Variants in BID observed in about 807,000 individuals in gnomAD.
The protein encoded by BID is BH3-interacting domain death agonist.
Under a neutral mutation model 17.4 loss-of-function variants are expected in BID, and 19 were observed. The observed-to-expected ratio is 1.09, with a 90% CI of 0.76 to 1.60. The LOEUF (loss-of-function observed/expected upper bound fraction) is 1.60. BID is among the 40% of genes most tolerant of loss of function. The probability of loss-of-function intolerance (pLI) is 0.00; values close to 1 mark genes in which losing one functional copy is unlikely to be tolerated. For synonymous variants in BID, 108 were observed against 102.8 expected (o/e 1.05, Z -0.31); for missense variants, 226 against 256.0 (o/e 0.88, Z 0.80).
At chr22:17,753,359 C>T (rs1383189871) in intron 1 of BID, among the ~76,000 whole-genome samples, 1 of 152,232 alleles carries the variant, frequency 6.6e-6, no homozygotes, top group African/African-American at 2.4e-5. Flanking sequence ...AGAGTGAGGG[C>T]AGCTCCCCTG....
At chr22:17,763,919 T>A (rs986826285) in intron 1 of BID, among the ~76,000 whole-genome samples, 9 of 143,842 alleles carry the variant, frequency 6.3e-5, no homozygotes, top group African/African-American at 2.1e-4. Flanking sequence ...AAAAAAAAAA[T>A]CAAAAGCAGA....
chr22:17,741,469 C>CT (rs3831843), intron 3 of BID, among the ~76,000 whole-genome samples: 7 of 147,688 alleles, frequency 4.7e-5, no homozygotes, highest in African/African-American at 7.6e-5. Flanking sequence ...CTCACTGTAG[C>CT]TTTTTTTTTT....
chr22:17,764,762 T>C (rs1453652383), intron 1 of BID, among the ~76,000 whole-genome samples: 1 of 152,110 alleles, frequency 6.6e-6, no homozygotes, highest in Non-Finnish European at 1.5e-5. Context: ...AGCAATGACA[T>C]AAATCAAAAC....
chr22:17,738,318 G>A (rs2061434617), intron 4 of BID, 89 bp from the exon 5 acceptor site: 6 of 1,249,882 alleles, frequency 4.8e-6, no homozygotes, highest in Non-Finnish European at 6.7e-6. Flanking sequence ...GCACTTCAAA[G>A]TACTTATTAA....
chr22:17,752,279 G>A (rs2061545260), intron 1 of BID, among the ~76,000 whole-genome samples: 1 of 152,176 alleles, frequency 6.6e-6, no homozygotes, highest in Non-Finnish European at 1.5e-5. Context: ...GAGCTGTCTG[G>A]AGACATTTAT....
chr22:17,740,160 G>A (rs777323089), intron 3 of BID: 3 of 1,612,070 alleles, frequency 1.9e-6, no homozygotes, highest in Admixed American at 1.7e-5. Context: ...CACTTGCTGT[G>A]TTATTGTCTG....
intron 3 of BID, chr22:17,740,085 T>C (rs2061448254): frequency 6.2e-7 from 1 of 1,611,742 alleles, no homozygotes; most frequent in Non-Finnish European, 8.5e-7. Flanking sequence ...CGAGTACCAC[T>C]GTCGCAGCTC....
intron 1 of BID, among the ~76,000 whole-genome samples, chr22:17,752,447 T>C (rs2061546703): frequency 1.3e-5 from 2 of 152,130 alleles, no homozygotes; most frequent in Admixed American, 6.6e-5. Flanking sequence ...CCCATACCAG[T>C]GTCATATGCA....
At chr22:17,771,550 C>T (rs2061720810) in intron 1 of BID, among the ~76,000 whole-genome samples, 1 of 152,132 alleles carries the variant, frequency 6.6e-6, no homozygotes, top group Admixed American at 6.6e-5. Context: ...GCCACTTCCT[C>T]CTTTTCTTAG....
At chr22:17,754,563 C>T (rs1050322384) in intron 1 of BID, among the ~76,000 whole-genome samples, 10 of 152,258 alleles carry the variant, frequency 6.6e-5, no homozygotes, top group African/African-American at 2.4e-4. Context: ...TCATTGAAAA[C>T]ACCATGCAGT....
At chr22:17,742,077 T>C (rs2061463295) in intron 3 of BID, among the ~76,000 whole-genome samples, 1 of 152,212 alleles carries the variant, frequency 6.6e-6, no homozygotes, top group Non-Finnish European at 1.5e-5. Context: ...TCCTGATCCG[T>C]CTGTGTCCAG....
At position 17,773,760 on chromosome 22, in the gene BID, TC is replaced by T; in HGVS notation, c.-59+620del. ...TTGGTGGCTGAGGGCTTCAGAGCTC[TC>T]CCAGGGTCCCCTGGGGTCATTCAGC... On this transcript the variant is annotated intron_variant, in intron 1 of 5. Coordinates refer to ENST00000622694, the MANE Select transcript of BID (RefSeq NM_001196.4). This position sits in a 1 kb window ranked among gnomAD's most constrained non-coding sequence, Gnocchi z 4.4. 1 of 1,435,846 alleles carries T rather than the reference TC, an allele frequency of 7.0e-7. No individual in the cohort carries two copies. Among genetic ancestry groups the T allele is most frequent in the Non-Finnish European group, 9.6e-7 (1 of 1,044,310 alleles). The allele number at this position is 1,435,846 out of a possible 1,614,324, so 88.9% of individuals were successfully genotyped here. A position where few individuals can be genotyped will look rare whatever the true frequency, so the allele number is the denominator to read the frequency against.
At chr22:17,768,142 C>T (rs1601881916) in intron 1 of BID, among the ~76,000 whole-genome samples, 1 of 152,218 alleles carries the variant, frequency 6.6e-6, no homozygotes, top group South Asian at 2.1e-4. Context: ...GTGTCTGGAG[C>T]TTCTCTTTGG....
intron 3 of BID, 114 bp downstream of exon 3, chr22:17,743,689 G>T: frequency 8.9e-7 from 1 of 1,120,694 alleles, no homozygotes; most frequent in Non-Finnish European, 1.3e-6. Flanking sequence ...CGTGGCAGCT[G>T]AAACTGCAGA....
intron 1 of BID, among the ~76,000 whole-genome samples, chr22:17,759,241 C>CAAAAAAAAA (rs1555906713): frequency 8.2e-5 from 8 of 97,080 alleles, no homozygotes; most frequent in African/African-American, 4.1e-4. Context: ...AAACAAAAAA[C>CAAAAAAAAA]AAAACAAAAA....
At chr22:17,743,415 A>C (rs1162693979) in intron 3 of BID, among the ~76,000 whole-genome samples, 1 of 152,250 alleles carries the variant, frequency 6.6e-6, no homozygotes, top group Non-Finnish European at 1.5e-5. Context: ...AAATGATACA[A>C]GGCCAAGTGT....
At position 17,761,013 on chromosome 22, in the gene BID, C is replaced by T. The variant is rs545110833; in HGVS notation, c.-58-10839G>A. Among the ~76,000 whole-genome samples the T allele has an allele frequency of 2.6e-5, 4 of 152,344 alleles. No homozygotes were observed. In the South Asian group the frequency reaches 6.2e-4, roughly 24 times the overall value. ...TCCATGAATAACATTTACACATACA[C>T]ACCGAACCAAGGAGCTGTGGCCAGC... On this transcript the variant is annotated intron_variant, in intron 1 of 5. Transcript: ENST00000622694.
chr22:17,742,495 C>A (rs2061467127), intron 3 of BID, among the ~76,000 whole-genome samples: 1 of 138,242 alleles, frequency 7.2e-6, no homozygotes, highest in Non-Finnish European at 1.6e-5. Context: ...CCCCCACCCC[C>A]ACCCCGGTCT....
intron 1 of BID, among the ~76,000 whole-genome samples, chr22:17,768,126 A>G (rs2268786): frequency 0.41 from 62,450 of 152,130 alleles, 14,296 homozygotes; most frequent in East Asian, 0.74. Flanking sequence ...CGGAGCAGCC[A>G]CCAGTGTGTC....
Sources: allele counts gnomAD v4.1 joint callset (sites outside exome capture counted in the v4.1 genomes callset), GRCh38; gene constraint gnomAD v4.1.1; non-coding constraint Gnocchi (gnomAD v3.1); transcripts MANE v1.5; gene names NCBI Gene and HGNC (gene_info 2026-07-23, HGNC 2026-07-21).